RRAS2: variants seen among roughly 807,000 people sequenced by gnomAD.
RRAS2 encodes the protein ras-related protein R-Ras2.
A neutral mutation model predicts 27.6 loss-of-function variants in RRAS2; 7 were observed. The ratio of observed to expected loss-of-function variants is 0.25; its 90% CI spans 0.14 to 0.48. The LOEUF is 0.48. RRAS2 is among the 20% of genes least tolerant of loss of function. RRAS2 has a pLI of 0.99. For synonymous variants in RRAS2, 86 were observed against 90.9 expected (o/e 0.95, Z 0.31); for missense variants, 178 against 256.2 (o/e 0.69, Z 2.08).
At chr11:14,295,078 T>C (rs1447347654) in intron 2 of RRAS2, among the ~76,000 whole-genome samples, 1 of 152,196 alleles carries the variant, frequency 6.6e-6, no homozygotes, top group Non-Finnish European at 1.5e-5. Context: ...TGGGTTGACT[T>C]TGTGGTTAGA....
intron 1 of RRAS2, among the ~76,000 whole-genome samples, chr11:14,350,694 A>G (rs1591490068): frequency 6.6e-6 from 1 of 151,908 alleles, no homozygotes; most frequent in Non-Finnish European, 1.5e-5. Flanking sequence ...ATAGCTGACG[A>G]GGTTAAAAAA....
At chr11:14,308,997 C>T (rs971597864) in intron 1 of RRAS2, among the ~76,000 whole-genome samples, 1 of 152,190 alleles carries the variant, frequency 6.6e-6, no homozygotes, top group African/African-American at 2.4e-5. Context: ...GTTAAGTACT[C>T]AGTACACTGC....
intron 1 of RRAS2, among the ~76,000 whole-genome samples, chr11:14,352,701 T>C (rs1475896009): frequency 1.3e-5 from 2 of 151,798 alleles, no homozygotes; most frequent in Non-Finnish European, 2.9e-5. Context: ...AAAATCTGTT[T>C]CAATTTTAAA....
At chr11:14,326,341 C>G (rs1226074700) in intron 1 of RRAS2, among the ~76,000 whole-genome samples, 1 of 152,144 alleles carries the variant, frequency 6.6e-6, no homozygotes, top group African/African-American at 2.4e-5. Context: ...TATTGAATTT[C>G]TATGCCAGGA....
chr11:14,331,494 G>A (rs148626854), intron 1 of RRAS2, among the ~76,000 whole-genome samples: 68 of 152,062 alleles, frequency 4.5e-4, no homozygotes, highest in African/African-American at 1.5e-3. Context: ...GAAAAAAATA[G>A]TTAACAAAAC....
At chr11:14,295,627 A>C (rs782426130) in intron 2 of RRAS2, 141 bp downstream of exon 2, 1 of 588,728 alleles carries the variant, frequency 1.7e-6, no homozygotes, top group Non-Finnish European at 2.8e-6. Flanking sequence ...CAGACTCTTC[A>C]ATCAAAACTT....
At chr11:14,299,541 T>C (rs1053490690) in intron 1 of RRAS2, among the ~76,000 whole-genome samples, 9 of 152,228 alleles carry the variant, frequency 5.9e-5, no homozygotes, top group African/African-American at 1.7e-4. Context: ...AGGTTTTATG[T>C]AGTATGCAAA....
rs782273898 is a variant in RRAS2 at position 14,295,846 on chromosome 11, C to A, written c.118G>T (p.Val40Leu). 6.2e-7 allele frequency: 1 copy of A among 1,612,482 alleles called. No individual in the cohort carries two copies. Among genetic ancestry groups the A allele is most frequent in the Non-Finnish European group, 8.5e-7 (1 of 1,179,404 alleles). Residue 40 changes from valine (V) to leucine (L), a missense_variant, in exon 2 of 6, where the codon GTA becomes TTA. Coordinates refer to ENST00000256196, the MANE Select transcript of RRAS2 (RefSeq NM_012250.6). Reference sequence around the variant, plus strand: ...TCAATGGTTGGATCATAATCCGTTACAAAATAGGACTGCAAGAAAAGAAAA... The same window carrying A: ...TCAATGGTTGGATCATAATCCGTTAAAAAATAGGACTGCAAGAAAAGAAAA... ...LTIQFIQSYFVTDYDPTIEDS... is the reference protein window; with the variant it reads ...LTIQFIQSYFLTDYDPTIEDS...
intron 1 of RRAS2, among the ~76,000 whole-genome samples, chr11:14,309,785 A>AT (rs2133981653): frequency 6.6e-6 from 1 of 152,336 alleles, no homozygotes; most frequent in East Asian, 1.9e-4. Flanking sequence ...AGTTCAGAAA[A>AT]TTAACAGGGA....
intron 4 of RRAS2, among the ~76,000 whole-genome samples, chr11:14,293,142 T>C (rs1230190522): frequency 1.5e-5 from 2 of 131,710 alleles, no homozygotes; most frequent in East Asian, 4.4e-4. Flanking sequence ...TATATATATA[T>C]ATATATATAT....
chr11:14,314,149 T>C (rs1177714708), intron 1 of RRAS2, among the ~76,000 whole-genome samples: 1 of 152,222 alleles, frequency 6.6e-6, no homozygotes, highest in African/African-American at 2.4e-5. Context: ...AATAACCTGA[T>C]CTTAAATTGT....
At chr11:14,343,561 C>T (rs1364782775) in intron 1 of RRAS2, among the ~76,000 whole-genome samples, 4 of 152,224 alleles carry the variant, frequency 2.6e-5, no homozygotes, top group Admixed American at 2.0e-4. Context: ...TGGTGGCTCA[C>T]GCCTGTAATC....
rs1199601513 is a variant in RRAS2 at position 14,278,207 on chromosome 11, G to C, written c.*1130C>G. ...AGGGAATACTGAAAGTGATTTCAGA[G>C]TCTCATCCTGTTGTACTCTATTGGG... On this transcript the variant is annotated 3_prime_UTR_variant, in exon 6 of 6. Transcript: ENST00000256196. 4 of 152,224 alleles carry C rather than the reference G, an allele frequency of 2.6e-5. No homozygotes were observed. The highest frequency in any genetic ancestry group is 5.9e-5 in the Non-Finnish European group (4 of 68,046). The allele number at this position is 152,224 out of a possible 1,614,324, so 9.4% of individuals were successfully genotyped here.
intron 1 of RRAS2, chr11:14,354,282 C>T (rs1849026086): frequency 6.6e-6 from 1 of 152,156 alleles, no homozygotes; most frequent in Non-Finnish European, 1.5e-5. Context: ...ACCTCAAAAT[C>T]TGGCAAATTG....
chr11:14,298,317 T>C (rs1477824753), intron 1 of RRAS2, among the ~76,000 whole-genome samples: 2 of 152,210 alleles, frequency 1.3e-5, no homozygotes, highest in Non-Finnish European at 2.9e-5. Flanking sequence ...AAATGTTAAA[T>C]ACATTTTTTA....
intron 4 of RRAS2, among the ~76,000 whole-genome samples, chr11:14,288,493 G>A (rs535533732): frequency 6.6e-6 from 1 of 152,150 alleles, no homozygotes; most frequent in Non-Finnish European, 1.5e-5. Context: ...ATAGCACTGT[G>A]GAAGTTAGAA....
At chr11:14,326,485 TG>T (rs1249651538) in intron 1 of RRAS2, among the ~76,000 whole-genome samples, 1 of 152,248 alleles carries the variant, frequency 6.6e-6, no homozygotes, top group East Asian at 1.9e-4. Context: ...CTAACGCTAA[TG>T]AAGTTTTAGA....
chr11:14,315,631 G>A (rs916273285), intron 1 of RRAS2, among the ~76,000 whole-genome samples: 1 of 152,096 alleles, frequency 6.6e-6, no homozygotes, highest in Non-Finnish European at 1.5e-5. Context: ...TCTAACAAAT[G>A]TACCATACGT....
intron 1 of RRAS2, among the ~76,000 whole-genome samples, chr11:14,325,372 C>A (rs538520205): frequency 6.8e-6 from 1 of 147,956 alleles, no homozygotes; most frequent in Non-Finnish European, 1.5e-5. Context: ...AGTGCAGTGG[C>A]GCGATCTTGG....
Sources: allele counts gnomAD v4.1 joint callset (sites outside exome capture counted in the v4.1 genomes callset), GRCh38; gene constraint gnomAD v4.1.1; transcripts MANE v1.5; gene names NCBI Gene and HGNC (gene_info 2026-07-23, HGNC 2026-07-21).